SLC14A2: variants seen among roughly 807,000 people sequenced by gnomAD.
The protein encoded by SLC14A2 is urea transporter 2.
SLC14A2 carries 91 observed loss-of-function variants against 104.6 expected under a neutral mutation model. That is an observed-to-expected ratio of 0.87 (90% CI 0.73 to 1.04). The LOEUF is 1.04. SLC14A2 is among the 50% of genes least tolerant of loss of function. The probability of loss-of-function intolerance (pLI) is 0.00; values close to 1 mark genes in which losing one functional copy is unlikely to be tolerated. For missense variants in SLC14A2, 1,189 were observed against 1,156.0 expected (o/e 1.03, Z -0.41); for synonymous variants, 476 against 466.4 (o/e 1.02, Z -0.27).
chr18:45,532,451 CT>C (rs1407686747), intron 2 of SLC14A2, among the ~76,000 whole-genome samples: 3 of 147,992 alleles, frequency 2.0e-5, no homozygotes, highest in Admixed American at 6.7e-5. Flanking sequence ...GTATTTTATT[CT>C]CTTTGAAGCA....
intron 1 of SLC14A2, among the ~76,000 whole-genome samples, chr18:45,442,915 T>C (rs1271502859): frequency 6.6e-6 from 1 of 152,166 alleles, no homozygotes; most frequent in African/African-American, 2.4e-5. Flanking sequence ...TGTCTGTGCA[T>C]GGGGATTGGC....
At chr18:45,619,682 G>A (rs559841424) in intron 1 of SLC14A2, among the ~76,000 whole-genome samples, 1 of 152,234 alleles carries the variant, frequency 6.6e-6, no homozygotes, top group East Asian at 1.9e-4. Context: ...AGCTGGGAAC[G>A]GGCTGAGGCC....
chr18:45,334,560 C>T (rs2085320386), intron 1 of SLC14A2, among the ~76,000 whole-genome samples: 1 of 152,174 alleles, frequency 6.6e-6, no homozygotes, highest in African/African-American at 2.4e-5. Flanking sequence ...TCTGTGGGTC[C>T]ATCTTGGTCT....
chr18:45,527,697 T>C (rs1177393532), intron 2 of SLC14A2, among the ~76,000 whole-genome samples: 1 of 152,234 alleles, frequency 6.6e-6, no homozygotes, highest in African/African-American at 2.4e-5. Context: ...GTTCTAAGTC[T>C]ATTTTTCTCA....
chr18:45,617,472 C>T (rs2045091152), intron 1 of SLC14A2, among the ~76,000 whole-genome samples: 1 of 152,070 alleles, frequency 6.6e-6, no homozygotes. Flanking sequence ...TCAGTCTCCT[C>T]TCAGCCCAGA....
At chr18:45,234,759 C>T (rs2084208410) in intron 1 of SLC14A2, among the ~76,000 whole-genome samples, 2 of 152,120 alleles carry the variant, frequency 1.3e-5, no homozygotes, top group African/African-American at 4.8e-5. Context: ...CTAGAAGTTG[C>T]CCTGGAGTTT....
chr18:45,420,298 T>C (rs534499984), intron 1 of SLC14A2, among the ~76,000 whole-genome samples: 41 of 151,198 alleles, frequency 2.7e-4, no homozygotes, highest in South Asian at 6.2e-4. Flanking sequence ...GCAAGACGTC[T>C]TTATGAACCA....
chr18:45,371,627 A>G (rs1039592661), intron 1 of SLC14A2, among the ~76,000 whole-genome samples: 14 of 152,222 alleles, frequency 9.2e-5, no homozygotes, highest in Non-Finnish European at 1.5e-4. Flanking sequence ...TTCTGACCCT[A>G]GAGCCTATTC....
intron 1 of SLC14A2, among the ~76,000 whole-genome samples, chr18:45,431,151 A>G (rs1327990198): frequency 6.6e-6 from 1 of 152,210 alleles, no homozygotes; most frequent in Non-Finnish European, 1.5e-5. Flanking sequence ...AGGTAGAGGG[A>G]ATAGTTCTCT....
intron 1 of SLC14A2, among the ~76,000 whole-genome samples, chr18:45,408,463 A>G (rs1454163590): frequency 1.3e-5 from 2 of 152,160 alleles, no homozygotes; most frequent in Non-Finnish European, 2.9e-5. Flanking sequence ...CCTTCCCTGA[A>G]TAGAGTACCA....
At chr18:45,390,105 A>T (rs2144408993) in intron 1 of SLC14A2, among the ~76,000 whole-genome samples, 1 of 152,326 alleles carries the variant, frequency 6.6e-6, no homozygotes, top group Non-Finnish European at 1.5e-5. Context: ...TAGGCCCTGG[A>T]ACTGCAGAAC....
intron 1 of SLC14A2, among the ~76,000 whole-genome samples, chr18:45,282,320 G>A (rs959841477): frequency 1.3e-4 from 20 of 152,130 alleles, no homozygotes; most frequent in African/African-American, 4.8e-4. Context: ...GTGCTCAAGA[G>A]CTATTTGGAC....
chr18:45,482,250 T>C (rs540684699), intron 1 of SLC14A2, among the ~76,000 whole-genome samples: 21 of 152,270 alleles, frequency 1.4e-4, no homozygotes, highest in African/African-American at 5.1e-4. Flanking sequence ...ATAACCAAAA[T>C]GTGCAGCAAC....
intron 1 of SLC14A2, among the ~76,000 whole-genome samples, chr18:45,431,665 A>G (rs2086517015): frequency 6.6e-6 from 1 of 152,202 alleles, no homozygotes; most frequent in East Asian, 1.9e-4. Flanking sequence ...ACTGGAGGTC[A>G]TGGGCACAAT....
In SLC14A2 at chr18:45,389,183, A is replaced by G. The variant is rs538181151; in HGVS notation, c.-124-94050A>G. 3.3e-5 allele frequency among the ~76,000 whole-genome samples: 5 copies of G among 152,324 alleles called. No individual in the cohort carries two copies. The East Asian group carries it at 9.6e-4, about 29-fold the overall frequency. On this transcript the variant is annotated intron_variant, in intron 1 of 20. Coordinates refer to the SLC14A2 transcript ENST00000586448. ...ATAAAAAGCACCTTTCTGACCAGCT[A>G]TTGGGCTGGCTATGGAAGCTCACAG...
At chr18:45,623,733 G>T (rs889432794) in intron 1 of SLC14A2, among the ~76,000 whole-genome samples, 4 of 152,176 alleles carry the variant, frequency 2.6e-5, no homozygotes, top group African/African-American at 9.7e-5. Context: ...TGTGATCCCT[G>T]TCCTAAGAGA....
At chr18:45,626,722 T>C (rs2045262130) in intron 3 of SLC14A2, among the ~76,000 whole-genome samples, 1 of 152,000 alleles carries the variant, frequency 6.6e-6, no homozygotes, top group Non-Finnish European at 1.5e-5. Context: ...ATGGTGCCTC[T>C]GTCTATATGG....
chr18:45,351,795 A>G (rs2085506402), intron 1 of SLC14A2, among the ~76,000 whole-genome samples: 1 of 152,196 alleles, frequency 6.6e-6, no homozygotes. Flanking sequence ...CAGACATGAA[A>G]CAGAGGACTA....
chr18:45,485,877 C>G (rs1411004942), intron 2 of SLC14A2, among the ~76,000 whole-genome samples: 2 of 152,066 alleles, frequency 1.3e-5, no homozygotes, highest in African/African-American at 4.8e-5. Flanking sequence ...CAACCTAGAC[C>G]TCAACACGGA....
Sources: allele counts gnomAD v4.1 joint callset (sites outside exome capture counted in the v4.1 genomes callset), GRCh38; gene constraint gnomAD v4.1.1; transcripts MANE v1.5; gene names NCBI Gene and HGNC (gene_info 2026-07-23, HGNC 2026-07-21).